The following PSMB1 variants were observed in gnomAD, a reference collection of about 807,000 sequenced individuals.
The protein encoded by PSMB1 is proteasome subunit beta type-1.
In PSMB1, 7 loss-of-function variants were observed where a neutral mutation model predicts 25.4. The ratio of observed to expected loss-of-function variants is 0.28; its 90% CI spans 0.16 to 0.52. The LOEUF is 0.52. Among genes scored for constraint, PSMB1 ranks in the 20% least tolerant of loss-of-function variants. The probability of loss-of-function intolerance (pLI) is 0.97; values close to 1 mark genes in which losing one functional copy is unlikely to be tolerated. For synonymous variants in PSMB1, 119 were observed against 115.0 expected (o/e 1.03, Z -0.22); for missense variants, 284 against 302.2 (o/e 0.94, Z 0.45).
At chr6:170,552,121 G>T (rs1253824121) in intron 1 of PSMB1, among the ~76,000 whole-genome samples, 6 of 152,038 alleles carry the variant, frequency 3.9e-5, no homozygotes, top group Non-Finnish European at 7.4e-5. Context: ...GCTATGCTGC[G>T]CAGGCTGGTC....
intron 2 of PSMB1, among the ~76,000 whole-genome samples, chr6:170,548,340 A>G (rs1778848172): frequency 1.3e-5 from 2 of 152,244 alleles, no homozygotes; most frequent in African/African-American, 4.8e-5. Context: ...ACTGGTAAAT[A>G]CAGACCACTG....
chr6:170,542,264 G>T (rs756517), intron 4 of PSMB1, among the ~76,000 whole-genome samples: 1 of 152,114 alleles, frequency 6.6e-6, no homozygotes, highest in Non-Finnish European at 1.5e-5. Context: ...GATAGCGCAC[G>T]CAAAGAAAAC....
At chr6:170,543,372 C>A (rs1430802051) in intron 4 of PSMB1, among the ~76,000 whole-genome samples, 4 of 152,142 alleles carry the variant, frequency 2.6e-5, no homozygotes, top group African/African-American at 4.8e-5. Context: ...CATGCAAGTT[C>A]CTGAGAAAAT....
chr6:170,535,707 G>A (rs1285687719), intron 5 of PSMB1, among the ~76,000 whole-genome samples: 2 of 152,172 alleles, frequency 1.3e-5, no homozygotes, highest in Non-Finnish European at 2.9e-5. Flanking sequence ...TAAGAGCCAG[G>A]AGAGCCCCAA....
intron 4 of PSMB1, among the ~76,000 whole-genome samples, chr6:170,540,921 G>C (rs1290051641): frequency 6.6e-6 from 1 of 152,006 alleles, no homozygotes; most frequent in African/African-American, 2.4e-5. Context: ...TGTGGAGAAG[G>C]TGCAGAGGGG....
Position 170,535,128 on chromosome 6 carries a change from G to T in PSMB1, c.*92C>A. 8.5e-7 allele frequency: 1 copy of T among 1,177,686 alleles called. No individual in the cohort carries two copies. Among genetic ancestry groups the T allele is most frequent in the East Asian group, 2.5e-5 (1 of 39,846 alleles). The allele number at this position is 1,177,686 out of a possible 1,614,324, so 73.0% of individuals were successfully genotyped here. On this transcript the variant is annotated 3_prime_UTR_variant, in exon 6 of 6. Transcript: ENST00000262193. ...AGTTATAGCAAAATGAGTACTTCAG[G>T]TTTCTCTTTTAATAAACAAAACCAT...
chr6:170,542,914 A>G (rs918792075), intron 4 of PSMB1, among the ~76,000 whole-genome samples: 6 of 152,146 alleles, frequency 3.9e-5, no homozygotes, highest in South Asian at 2.1e-4. Context: ...TCAATGGACT[A>G]CTCTAAGTGA....
intron 1 of PSMB1, among the ~76,000 whole-genome samples, chr6:170,551,683 T>A (rs1778904420): frequency 6.6e-6 from 1 of 152,186 alleles, no homozygotes; most frequent in South Asian, 2.1e-4. Context: ...CAGGAAGTGT[T>A]AAGGTGTATA....
Position 170,537,324 on chromosome 6 carries a change from G to A in PSMB1, c.450C>T (p.Tyr150=). 1.2e-6 allele frequency: 2 copies of A among 1,613,686 alleles called. No individual in the cohort carries two copies. Among genetic ancestry groups the A allele is most frequent in the East Asian group, 4.5e-5 (2 of 44,872 alleles). The change falls in exon 5 of 6, where the codon TAC becomes TAT. Residue 150 remains tyrosine (Y), a synonymous_variant. Transcript: ENST00000262193. ...GLDEEGKGAV[Y]SFDPVGSYQR... ...GGTAAGACCCTACTGGATCAAAGCTGTATACAGCCCCCTTTCCTTAAAGAA... is the reference window on the plus strand; with the variant it reads ...GGTAAGACCCTACTGGATCAAAGCTATATACAGCCCCCTTTCCTTAAAGAA...
At chr6:170,538,438 C>T (rs1383787859) in intron 4 of PSMB1, among the ~76,000 whole-genome samples, 4 of 152,160 alleles carry the variant, frequency 2.6e-5, no homozygotes, top group Admixed American at 2.6e-4. Flanking sequence ...CGGTGGCTCA[C>T]GCCTGTAATC....
At chr6:170,552,518 T>C (rs1025631120) in intron 1 of PSMB1, among the ~76,000 whole-genome samples, 1 of 149,632 alleles carries the variant, frequency 6.7e-6, no homozygotes, top group Non-Finnish European at 1.5e-5. Context: ...AGCTAAACGT[T>C]AAAAAAAAAA....
intron 5 of PSMB1, among the ~76,000 whole-genome samples, chr6:170,535,771 T>A: frequency 6.6e-6 from 1 of 152,168 alleles, no homozygotes; most frequent in Non-Finnish European, 1.5e-5. Flanking sequence ...AAAGGACTTT[T>A]AAGTAGGTGA....
intron 5 of PSMB1, 21 bp from the exon 6 acceptor site, chr6:170,535,426 G>A: frequency 6.3e-7 from 1 of 1,595,488 alleles, no homozygotes; most frequent in Admixed American, 1.7e-5. Flanking sequence ...ATGAAACTTG[G>A]GTGAGATGTC....
intron 5 of PSMB1, 132 bp downstream of exon 5, chr6:170,537,102 A>G: frequency 1.5e-6 from 1 of 681,596 alleles, no homozygotes. Flanking sequence ...AAACTCAAAC[A>G]GTAATTTATA....
In PSMB1 at chr6:170,535,438, T is replaced by A. The variant is rs1273447222; in HGVS notation, c.541-33A>T. On this transcript the variant is annotated intron_variant, in intron 5 of 5. Transcript: ENST00000262193. ...GACATGAAACTTGGGTGAGATGTCATGTGACAGTGAGCACAAAGGAAAGGT... is the reference window on the plus strand; with the variant it reads ...GACATGAAACTTGGGTGAGATGTCAAGTGACAGTGAGCACAAAGGAAAGGT... 2.7e-5 allele frequency: 42 copies of A among 1,565,862 alleles called. No homozygotes were observed. The East Asian group carries it at 9.4e-4, about 35-fold the overall frequency.
chr6:170,540,138 G>C (rs1240648549), intron 4 of PSMB1, among the ~76,000 whole-genome samples: 1 of 152,202 alleles, frequency 6.6e-6, no homozygotes, highest in East Asian at 1.9e-4. Context: ...AGAGAGGTTA[G>C]TGCAGACAGC....
chr6:170,544,038 C>A (rs1333846374), intron 3 of PSMB1, among the ~76,000 whole-genome samples: 1 of 152,122 alleles, frequency 6.6e-6, no homozygotes, highest in East Asian at 1.9e-4. Context: ...GGGTTTAAAT[C>A]CATCTCTCTC....
chr6:170,535,253 G>C lies in PSMB1; in HGVS notation c.693C>G (p.Ile231Met). The C allele has an allele frequency of 3.7e-6, 6 of 1,614,140 alleles. No homozygotes were observed. Among genetic ancestry groups the C allele is most frequent in the Non-Finnish European group, 5.1e-6 (6 of 1,180,020 alleles). Reference protein sequence around the residue: ...LRICIVTKEGIREETVSLRKD With the variant: ...LRICIVTKEGMREETVSLRKD ...TCCTTAAGGAAACAGTTTCCTCCCT[G>C]ATGCCCTCTTTGGTCACTATGCAGA... The change falls in exon 6 of 6, where the codon ATC becomes ATG. Residue 231 changes from isoleucine to methionine, a missense_variant. By Grantham distance (10) the Ile-to-Met change is conservative. Transcript: ENST00000262193.
chr6:170,548,209 C>G (rs1465214260), intron 2 of PSMB1, among the ~76,000 whole-genome samples: 4 of 152,136 alleles, frequency 2.6e-5, no homozygotes, highest in Non-Finnish European at 1.5e-5. Flanking sequence ...TTCTTCTGTA[C>G]CTACTTCCTA....
Sources: gnomAD v4.1 joint callset for allele counts (sites outside exome capture counted in the v4.1 genomes callset) on GRCh38, gnomAD v4.1.1 for gene constraint, MANE v1.5 for transcripts, NCBI Gene and HGNC (gene_info 2026-07-23, HGNC 2026-07-21) for gene names.